Variants in SLC39A9 observed in about 807,000 individuals in gnomAD.
The protein encoded by SLC39A9 is solute carrier family 39 member 9, also known as zinc transporter ZIP9.
SLC39A9 carries 14 observed loss-of-function variants against 28.4 expected under a neutral mutation model. The observed-to-expected ratio is 0.49, with a 90% confidence interval of 0.33 to 0.77. The LOEUF is 0.77. SLC39A9 is among the 30% of genes least tolerant of loss of function. SLC39A9 has a pLI of 0.02. For synonymous variants in SLC39A9, 119 were observed against 149.6 expected (o/e 0.80, Z 1.49); for missense variants, 283 against 381.1 (o/e 0.74, Z 2.14).
intron 1 of SLC39A9, among the ~76,000 whole-genome samples, chr14:69,417,332 C>G (rs1594911839): frequency 6.6e-6 from 1 of 152,034 alleles, no homozygotes; most frequent in Admixed American, 6.6e-5. Context: ...ATTGGTCTAT[C>G]TTTCTGTTTT....
At chr14:69,438,334 A>G (rs1594935945) in intron 2 of SLC39A9, among the ~76,000 whole-genome samples, 2 of 152,210 alleles carry the variant, frequency 1.3e-5, no homozygotes, top group Non-Finnish European at 2.9e-5. Flanking sequence ...CTCTTTCTTT[A>G]TTGTAGACCA....
intron 2 of SLC39A9, among the ~76,000 whole-genome samples, chr14:69,435,812 A>G (rs1884715378): frequency 6.6e-6 from 1 of 152,004 alleles, no homozygotes; most frequent in African/African-American, 2.4e-5. Flanking sequence ...AGCTGAGATT[A>G]CAGGGGTGTG....
At chr14:69,452,455 A>C (rs538802451) in intron 3 of SLC39A9, among the ~76,000 whole-genome samples, 1 of 152,132 alleles carries the variant, frequency 6.6e-6, no homozygotes, top group South Asian at 2.1e-4. Flanking sequence ...TCAGCTCCCA[A>C]GTAGCCGAGA....
At chr14:69,410,304 TG>T (rs1164805972) in intron 1 of SLC39A9, among the ~76,000 whole-genome samples, 1 of 152,216 alleles carries the variant, frequency 6.6e-6, no homozygotes, top group African/African-American at 2.4e-5. Flanking sequence ...ATGGCAGAAT[TG>T]TAACTTCGTT....
intron 1 of SLC39A9, among the ~76,000 whole-genome samples, chr14:69,407,302 C>CCCTTCCTTCCCTTCCTTCCTTCCTT (rs1882983036): frequency 7.0e-6 from 1 of 143,820 alleles, no homozygotes; most frequent in Non-Finnish European, 1.5e-5. Context: ...TCCCTTCCTT[C>CCCTTCCTTCCCTTCCTTCCTTCCTT]CCTTCCTTCC....
At chr14:69,455,921 T>A (rs1354631555) in intron 6 of SLC39A9, 55 bp downstream of exon 6, 29 of 1,576,664 alleles carry the variant, frequency 1.8e-5, no homozygotes, top group Non-Finnish European at 2.5e-5. Flanking sequence ...CTCTTAGAAT[T>A]TATGATCTCT....
At position 69,418,522 on chromosome 14, in the gene SLC39A9, A is replaced by G. The variant is rs542318530; in HGVS notation, c.97-5572A>G. Among the ~76,000 whole-genome samples, 5 of 152,126 alleles carry G rather than the reference A, an allele frequency of 3.3e-5. No homozygotes were observed. The East Asian group carries it at 5.8e-4, about 18-fold the overall frequency. ...ATTAGAGAGAATTCCCTCTTTTTCT[A>G]TTGATTGAAATAGGGTTTCAGAAGG... On this transcript the variant is annotated intron_variant, in intron 1 of 6. Coordinates refer to ENST00000336643, the MANE Select transcript of SLC39A9 (RefSeq NM_018375.5).
chr14:69,415,097 A>T (rs1236176499), intron 1 of SLC39A9, among the ~76,000 whole-genome samples: 1 of 152,138 alleles, frequency 6.6e-6, no homozygotes, highest in African/African-American at 2.4e-5. Context: ...GCTATTCTTG[A>T]TGTAGCTTCT....
At chr14:69,453,460 C>CTTGTG in intron 4 of SLC39A9, 151 bp downstream of exon 4, 1 of 617,830 alleles carries the variant, frequency 1.6e-6, no homozygotes, top group Non-Finnish European at 2.8e-6. Flanking sequence ...CAAGCACAAG[C>CTTGTG]TTGGTGTGCT....
At chr14:69,414,712 T>C (rs1883475249) in intron 1 of SLC39A9, among the ~76,000 whole-genome samples, 1 of 152,220 alleles carries the variant, frequency 6.6e-6, no homozygotes, top group Non-Finnish European at 1.5e-5. Flanking sequence ...TTTACAAATG[T>C]AACATCCCAA....
In SLC39A9 at chr14:69,409,588, G is replaced by A. The variant is rs140410600; in HGVS notation, c.96+10123G>A. Among the ~76,000 whole-genome samples, 24 of 152,324 alleles carry A rather than the reference G, an allele frequency of 1.6e-4. No homozygotes were observed. In the East Asian group the frequency reaches 4.6e-3, roughly 29 times the overall value. On this transcript the variant is annotated intron_variant, in intron 1 of 6. Transcript: ENST00000336643. ...CTGGGCTCAAGTAATCAATCGTCTT[G>A]TCTTGGCCTCCCAAAGTGCTGGGAT...
At chr14:69,432,767 G>T (rs1884559537) in intron 2 of SLC39A9, among the ~76,000 whole-genome samples, 1 of 152,116 alleles carries the variant, frequency 6.6e-6, no homozygotes, top group Non-Finnish European at 1.5e-5. Flanking sequence ...CCTGGATATG[G>T]TTAGCCAACT....
chr14:69,434,104 G>T (rs1489683242), intron 2 of SLC39A9, among the ~76,000 whole-genome samples: 12 of 138,470 alleles, frequency 8.7e-5, no homozygotes, highest in Admixed American at 5.2e-4. Flanking sequence ...TTTTTTGCGC[G>T]ACAGAGTCTT....
At chr14:69,447,718 C>G (rs1885401565) in intron 3 of SLC39A9, among the ~76,000 whole-genome samples, 1 of 151,890 alleles carries the variant, frequency 6.6e-6, no homozygotes, top group Admixed American at 6.6e-5. Context: ...TTGAGACCAG[C>G]CTGGGCAACA....
chr14:69,460,906 T>G lies in SLC39A9; in HGVS notation c.*2313T>G. 1 of 985,552 alleles carries G rather than the reference T, an allele frequency of 1.0e-6. No homozygotes were observed. Among genetic ancestry groups the G allele is most frequent in the African/African-American group, 1.7e-5 (1 of 57,362 alleles). 61.1% of individuals were successfully genotyped at this position (985,552 alleles called of 1,614,324 possible). A position where few individuals can be genotyped will look rare whatever the true frequency, so the allele number is the denominator to read the frequency against. ...TAATCTCATAGGGCTCAAATGCATC[T>G]TCAGGCAGCAGGGAACCAAGCAGCG... is the stretch of plus-strand genomic sequence containing the variant. On this transcript the variant is annotated 3_prime_UTR_variant, in exon 7 of 7. Coordinates refer to ENST00000336643, the MANE Select transcript of SLC39A9 (RefSeq NM_018375.5).
chr14:69,439,856 G>C (rs115180156), intron 2 of SLC39A9, among the ~76,000 whole-genome samples: 1 of 152,082 alleles, frequency 6.6e-6, no homozygotes. Context: ...CCTCAGATTC[G>C]TGCTTCTTGG....
chr14:69,440,739 T>C (rs1215569348), intron 2 of SLC39A9, among the ~76,000 whole-genome samples: 2 of 152,198 alleles, frequency 1.3e-5, no homozygotes, highest in African/African-American at 4.8e-5. Context: ...AGTGGCGTGA[T>C]CTCGGCTCAC....
chr14:69,460,409 A>G lies in SLC39A9; in HGVS notation c.*1816A>G, dbSNP rs550815567. 1.0e-6 allele frequency: 1 copy of G among 985,474 alleles called. No individual in the cohort carries two copies. Among genetic ancestry groups the G allele is most frequent in the East Asian group, 1.1e-4 (1 of 8,814 alleles). The allele number at this position is 985,474 out of a possible 1,614,324, so 61.0% of individuals were successfully genotyped here. A position where few individuals can be genotyped will look rare whatever the true frequency, so the allele number is the denominator to read the frequency against. ...ACTACCAAGAGAAGGTATAGTATGGAAAGTCCAAATGACTTCCTTGATTGG... is the reference window on the plus strand; with the variant it reads ...ACTACCAAGAGAAGGTATAGTATGGGAAGTCCAAATGACTTCCTTGATTGG... On this transcript the variant is annotated 3_prime_UTR_variant, in exon 7 of 7. Transcript: ENST00000336643.
At position 69,458,915 on chromosome 14, in the gene SLC39A9, TACTC is replaced by T. The variant is rs1444474985; in HGVS notation, c.*325_*328del. The T allele has an allele frequency of 1.9e-6, 2 of 1,068,420 alleles. No individual in the cohort carries two copies. Among genetic ancestry groups the T allele is most frequent in the African/African-American group, 3.3e-5 (2 of 60,802 alleles). 66.2% of individuals were successfully genotyped at this position (1,068,420 alleles called of 1,614,324 possible). On this transcript the variant is annotated 3_prime_UTR_variant, in exon 7 of 7. Coordinates refer to ENST00000336643, the MANE Select transcript of SLC39A9 (RefSeq NM_018375.5). ...TTTTAAGGAAAAGAGGAGAACTTCA[TACTC>T]ACAATGAAATAGTGATTATGAAAAT...
Sources: gnomAD v4.1 joint callset for allele counts (sites outside exome capture counted in the v4.1 genomes callset) on GRCh38, gnomAD v4.1.1 for gene constraint, MANE v1.5 for transcripts, NCBI Gene and HGNC (gene_info 2026-07-23, HGNC 2026-07-21) for gene names.